TBC1D5: variants seen among roughly 807,000 people sequenced by gnomAD.
TBC1D5 encodes the protein TBC1 domain family member 5.
In TBC1D5, 75 loss-of-function variants were observed where a neutral mutation model predicts 100.3. That is an observed-to-expected ratio of 0.75 (90% CI 0.62 to 0.91). TBC1D5 has a LOEUF of 0.91. Among genes scored for constraint, TBC1D5 ranks in the 40% least tolerant of loss-of-function variants. TBC1D5 has a pLI of 0.00. For synonymous variants in TBC1D5, 323 were observed against 325.6 expected, an observed-to-expected ratio of 0.99 and a Z score of 0.09; for missense variants, 910 against 942.4, an observed-to-expected ratio of 0.97 and a Z score of 0.45.
intron 7 of TBC1D5, 85 bp downstream of exon 7, chr3:17,404,609 T>A: frequency 8.4e-7 from 1 of 1,196,568 alleles, no homozygotes; most frequent in Non-Finnish European, 1.2e-6. Flanking sequence ...TGAAATATAT[T>A]GCTTTCATGG....
At chr3:17,359,704 G>A (rs1490988401) in intron 13 of TBC1D5, among the ~76,000 whole-genome samples, 1 of 151,976 alleles carries the variant, frequency 6.6e-6, no homozygotes, top group Non-Finnish European at 1.5e-5. Flanking sequence ...ACTAGTATAA[G>A]TGATACAGGT....
At chr3:17,533,606 T>C (rs546869098) in intron 2 of TBC1D5, among the ~76,000 whole-genome samples, 3 of 152,184 alleles carry the variant, frequency 2.0e-5, no homozygotes, top group Non-Finnish European at 2.9e-5. Flanking sequence ...TAAGATTGGA[T>C]TGGATAAATT....
At chr3:17,174,228 G>A (rs1303923568) in intron 19 of TBC1D5, among the ~76,000 whole-genome samples, 1 of 152,188 alleles carries the variant, frequency 6.6e-6, no homozygotes, top group African/African-American at 2.4e-5. Flanking sequence ...ATTCAATGAT[G>A]AGGCTCAGAG....
intron 18 of TBC1D5, among the ~76,000 whole-genome samples, chr3:17,187,396 T>G (rs563779675): frequency 5.5e-4 from 84 of 152,240 alleles, no homozygotes; most frequent in Non-Finnish European, 1.0e-3. Flanking sequence ...AGAGAACACA[T>G]AGAGAAAAAG....
At chr3:17,475,889 A>G (rs1445817067) in intron 3 of TBC1D5, among the ~76,000 whole-genome samples, 1 of 152,132 alleles carries the variant, frequency 6.6e-6, no homozygotes, top group East Asian at 1.9e-4. Context: ...AACGTAACAG[A>G]GCTCACGTTT....
intron 16 of TBC1D5, among the ~76,000 whole-genome samples, chr3:17,239,316 A>C: frequency 6.6e-6 from 1 of 152,118 alleles, no homozygotes; most frequent in East Asian, 1.9e-4. Context: ...TCTGACTTTC[A>C]GAGGTTGTTA....
intron 2 of TBC1D5, among the ~76,000 whole-genome samples, chr3:17,548,481 GA>G (rs538456716): frequency 1.3e-5 from 2 of 150,284 alleles, no homozygotes; most frequent in Non-Finnish European, 1.5e-5. Flanking sequence ...CAGGGCGGGG[GA>G]AAAAAAAACC....
chr3:17,673,445 A>T (rs1258852363), intron 1 of TBC1D5, among the ~76,000 whole-genome samples: 2 of 150,156 alleles, frequency 1.3e-5, no homozygotes, highest in Non-Finnish European at 3.0e-5. Context: ...CGAGTACCTG[A>T]GACTACAGGC....
intron 13 of TBC1D5, among the ~76,000 whole-genome samples, chr3:17,361,537 A>C (rs1011745259): frequency 1.3e-5 from 2 of 152,082 alleles, no homozygotes; most frequent in Non-Finnish European, 2.9e-5. Flanking sequence ...ACAGGCTTAA[A>C]AATCATACAA....
chr3:17,261,825 T>G (rs1444147855), intron 15 of TBC1D5, among the ~76,000 whole-genome samples: 1 of 150,712 alleles, frequency 6.6e-6, no homozygotes, highest in Non-Finnish European at 1.5e-5. Flanking sequence ...GCTTGGCTAA[T>G]ATTTGCTTTT....
At chr3:17,578,561 A>C (rs1576812112) in intron 2 of TBC1D5, among the ~76,000 whole-genome samples, 1 of 152,064 alleles carries the variant, frequency 6.6e-6, no homozygotes, top group Non-Finnish European at 1.5e-5. Context: ...AAGCACATGT[A>C]TTTTACAAAA....
intron 19 of TBC1D5, among the ~76,000 whole-genome samples, chr3:17,171,578 T>C (rs2067173241): frequency 6.6e-6 from 1 of 152,162 alleles, no homozygotes; most frequent in Non-Finnish European, 1.5e-5. Flanking sequence ...GCTCCAGTCT[T>C]CGCATCCATT....
At chr3:17,671,066 C>G (rs2067880087) in intron 1 of TBC1D5, among the ~76,000 whole-genome samples, 1 of 152,216 alleles carries the variant, frequency 6.6e-6, no homozygotes, top group South Asian at 2.1e-4. Context: ...AAATAATTTA[C>G]CAACTCCGTA....
intron 18 of TBC1D5, among the ~76,000 whole-genome samples, chr3:17,188,050 G>A (rs2069366152): frequency 6.6e-6 from 1 of 152,242 alleles, no homozygotes; most frequent in Non-Finnish European, 1.5e-5. Flanking sequence ...ACGCTTTAGA[G>A]GATATAGGCA....
At chr3:17,239,934 C>T (rs1163652850) in intron 16 of TBC1D5, among the ~76,000 whole-genome samples, 1 of 152,134 alleles carries the variant, frequency 6.6e-6, no homozygotes, top group African/African-American at 2.4e-5. Flanking sequence ...AAATAGCTCA[C>T]ATTTTGCTTT....
chr3:17,537,176 A>C (rs1233054091), intron 2 of TBC1D5, among the ~76,000 whole-genome samples: 1 of 152,174 alleles, frequency 6.6e-6, no homozygotes, highest in Non-Finnish European at 1.5e-5. Flanking sequence ...CTCAGGGCCC[A>C]CTATCTGTCA....
At chr3:17,504,964 T>C (rs2095829038) in intron 3 of TBC1D5, among the ~76,000 whole-genome samples, 2 of 152,110 alleles carry the variant, frequency 1.3e-5, no homozygotes, top group African/African-American at 4.8e-5. Context: ...TTCTAAAACA[T>C]GTCATTGTAA....
At chr3:17,436,762 A>G (rs750038008) in intron 3 of TBC1D5, among the ~76,000 whole-genome samples, 1 of 152,210 alleles carries the variant, frequency 6.6e-6, no homozygotes, top group African/African-American at 2.4e-5. Flanking sequence ...AACCATGGTC[A>G]GTCTATCAAT....
At chr3:17,477,306 C>A (rs1235530921) in intron 3 of TBC1D5, among the ~76,000 whole-genome samples, 2 of 151,906 alleles carry the variant, frequency 1.3e-5, no homozygotes, top group Admixed American at 6.6e-5. Context: ...TTATTTTTAT[C>A]CATATTCATG....
Sources: allele counts gnomAD v4.1 joint callset (sites outside exome capture counted in the v4.1 genomes callset), GRCh38; gene constraint gnomAD v4.1.1; transcripts MANE v1.5; gene names NCBI Gene and HGNC (gene_info 2026-07-23, HGNC 2026-07-21).